EGFR: variants seen among roughly 807,000 people sequenced by gnomAD.
EGFR encodes avian erythroblastic leukemia viral (v-erb-b) oncogene homolog.
In EGFR, 58 loss-of-function variants were observed where a neutral mutation model predicts 143.0. The ratio of observed to expected loss-of-function variants is 0.41; its 90% confidence interval spans 0.33 to 0.50. EGFR has a LOEUF of 0.50. Ranked by LOEUF, EGFR falls within the 20% of genes least tolerant of loss-of-function variation. The pLI is 0.39. For missense variants in EGFR, 1,307 were observed against 1,579.0 expected, an observed-to-expected ratio of 0.83 and a Z score of 2.92; for synonymous variants, 613 against 594.4, an observed-to-expected ratio of 1.03 and a Z score of -0.45.
intron 1 of EGFR, among the ~76,000 whole-genome samples, chr7:55,081,334 G>A (rs1246452800): frequency 6.6e-6 from 1 of 152,182 alleles, no homozygotes; most frequent in Non-Finnish European, 1.5e-5. Flanking sequence ...CGGTTGGAGG[G>A]GGCTGTGCTG....
chr7:55,029,971 T>C (rs1787156982), intron 1 of EGFR, among the ~76,000 whole-genome samples: 1 of 152,250 alleles, frequency 6.6e-6, no homozygotes, highest in South Asian at 2.1e-4. Flanking sequence ...CTCGCATTTG[T>C]ACAGCACCTC....
intron 1 of EGFR, among the ~76,000 whole-genome samples, chr7:55,100,918 A>G (rs1562714343): frequency 2.0e-5 from 3 of 152,170 alleles, no homozygotes; most frequent in South Asian, 4.1e-4. Context: ...TTTTCTTTAA[A>G]CTGTCATAAA....
At chr7:55,034,562 G>A (rs1787448757) in intron 1 of EGFR, among the ~76,000 whole-genome samples, 1 of 152,286 alleles carries the variant, frequency 6.6e-6, no homozygotes, top group South Asian at 2.1e-4. Flanking sequence ...TGTCTTCTGA[G>A]GTCCATCCTC....
Position 55,165,394 on chromosome 7 carries a change from G to A in EGFR, c.1837G>A (p.Ala613Thr), listed in dbSNP as rs764290273. The change falls in exon 15 of 28, where the codon GCC becomes ACC. Residue 613 changes from alanine to threonine, a missense_variant. Physicochemically the swap from Ala to Thr is moderately conservative, Grantham distance 58. This residue lies in a region of EGFR where 250 missense variants were observed against 295.1 expected (regional missense o/e 0.85). Transcript: ENST00000275493. ...NNTLVWKYADAGHVCHLCHPN... is the reference protein window; with the variant it reads ...NNTLVWKYADTGHVCHLCHPN... Reference sequence around the variant, plus strand: ...CACCCTGGTCTGGAAGTACGCAGACGCCGGCCATGTGTGCCACCTGTGCCA... The same window carrying A: ...CACCCTGGTCTGGAAGTACGCAGACACCGGCCATGTGTGCCACCTGTGCCA... The A allele has an allele frequency of 5.6e-6, 9 of 1,614,022 alleles. No homozygotes were observed. Among genetic ancestry groups the A allele is most frequent in the African/African-American group, 2.7e-5 (2 of 74,920 alleles).
intron 1 of EGFR, among the ~76,000 whole-genome samples, chr7:55,026,160 T>C (rs1397657542): frequency 6.6e-6 from 1 of 152,194 alleles, no homozygotes; most frequent in East Asian, 1.9e-4. Context: ...TTGGCAATTC[T>C]GAGGAGTGGA....
At chr7:55,199,238 G>T (rs1039951511) in intron 23 of EGFR, among the ~76,000 whole-genome samples, 1 of 152,198 alleles carries the variant, frequency 6.6e-6, no homozygotes, top group African/African-American at 2.4e-5. Flanking sequence ...AACAACATAA[G>T]GCTAATAGAG....
At chr7:55,124,036 G>A (rs1793373658) in intron 1 of EGFR, among the ~76,000 whole-genome samples, 1 of 152,214 alleles carries the variant, frequency 6.6e-6, no homozygotes, top group Non-Finnish European at 1.5e-5. Flanking sequence ...GTGTATGTGT[G>A]TGTATTAATG....
chr7:55,161,756 G>A lies in EGFR; in HGVS notation c.1631+125G>A, dbSNP rs1562772359. 4.6e-6 allele frequency: 7 copies of A among 1,526,764 alleles called. No individual in the cohort carries two copies. The East Asian group carries it at 1.6e-4, about 35-fold the overall frequency. 94.6% of individuals were successfully genotyped at this position (1,526,764 alleles called of 1,614,324 possible). A position where few individuals can be genotyped will look rare whatever the true frequency, so the allele number is the denominator to read the frequency against. ...TTATTCTTTGCCCTTGGCTTTTGGA[G>A]GTTTTGGGTTTTCTGTGGGGAGACG... On this transcript the variant is annotated intron_variant, in intron 13 of 27. Coordinates refer to ENST00000275493, the MANE Select transcript of EGFR (RefSeq NM_005228.5).
chr7:55,176,573 G>C (rs987618162), intron 19 of EGFR, among the ~76,000 whole-genome samples: 2 of 151,932 alleles, frequency 1.3e-5, no homozygotes, highest in Non-Finnish European at 2.9e-5. Context: ...TAAAAAATTA[G>C]CTGGGTGTGG....
intron 1 of EGFR, among the ~76,000 whole-genome samples, chr7:55,026,142 A>G (rs1786870108): frequency 6.6e-6 from 1 of 152,076 alleles, no homozygotes; most frequent in Admixed American, 6.5e-5. Flanking sequence ...ACATTTCTTA[A>G]AGCTCCCTTG....
At chr7:55,036,587 G>A (rs1787600143) in intron 1 of EGFR, among the ~76,000 whole-genome samples, 1 of 152,112 alleles carries the variant, frequency 6.6e-6, no homozygotes, top group South Asian at 2.1e-4. Flanking sequence ...CTACAGAGGA[G>A]GCTAAGATTT....
rs5884404 is a variant in EGFR at position 55,205,898 on chromosome 7, G to GAA, written c.*293_*294dup. 0.013 allele frequency: 4,978 copies of GAA among 374,790 alleles called. 2 individuals are homozygous for GAA. Among genetic ancestry groups the GAA allele is most frequent in the East Asian group, 0.045 (887 of 19,852 alleles). The allele number at this position is 374,790 out of a possible 1,614,324, so 23.2% of individuals were successfully genotyped here. A position where few individuals can be genotyped will look rare whatever the true frequency, so the allele number is the denominator to read the frequency against. On this transcript the variant is annotated 3_prime_UTR_variant, in exon 28 of 28. Coordinates refer to ENST00000275493, the MANE Select transcript of EGFR (RefSeq NM_005228.5). The stretch of plus-strand genomic sequence containing the variant: ...ATTTATCTTTCAAAGAGGTATATTT[G>GAA]AAAAAAAAAAAAAGTATATGTGAGG...
chr7:55,053,592 T>A (rs778602742), intron 1 of EGFR, among the ~76,000 whole-genome samples: 1 of 152,246 alleles, frequency 6.6e-6, no homozygotes, highest in Non-Finnish European at 1.5e-5. Context: ...TCATGAGAGC[T>A]GAGTTTGCTG....
At chr7:55,185,271 C>T (rs1787081987) in intron 20 of EGFR, among the ~76,000 whole-genome samples, 1 of 152,204 alleles carries the variant, frequency 6.6e-6, no homozygotes, top group Non-Finnish European at 1.5e-5. Flanking sequence ...GCAAAACCAT[C>T]TCAGGAGCTT....
At chr7:55,046,374 G>A (rs1315115242) in intron 1 of EGFR, among the ~76,000 whole-genome samples, 1 of 152,116 alleles carries the variant, frequency 6.6e-6, no homozygotes, top group Non-Finnish European at 1.5e-5. Flanking sequence ...GGGATATTAT[G>A]TACACATAAA....
At chr7:55,156,385 T>C in intron 8 of EGFR, 148 bp from the exon 9 acceptor site, 2 of 1,181,328 alleles carry the variant, frequency 1.7e-6, no homozygotes, top group South Asian at 2.5e-5. Context: ...CCCCAGCCCC[T>C]TCAGTGTTTG....
chr7:55,119,688 C>T (rs1472689559), intron 1 of EGFR, among the ~76,000 whole-genome samples: 1 of 152,240 alleles, frequency 6.6e-6, no homozygotes, highest in Non-Finnish European at 1.5e-5. Flanking sequence ...CTGCATTTGA[C>T]AATACGGTCC....
chr7:55,150,940 C>A (rs975542205), intron 4 of EGFR, among the ~76,000 whole-genome samples: 1 of 152,200 alleles, frequency 6.6e-6, no homozygotes, highest in African/African-American at 2.4e-5. Context: ...AAAGGCTCAG[C>A]CAGACGAGAC....
chr7:55,059,997 G>A (rs1482134460), intron 1 of EGFR, among the ~76,000 whole-genome samples: 1 of 152,220 alleles, frequency 6.6e-6, no homozygotes, highest in Non-Finnish European at 1.5e-5. Flanking sequence ...TCCTCTCAGT[G>A]TGGACTGGGC....
Sources: allele counts gnomAD v4.1 joint callset (sites outside exome capture counted in the v4.1 genomes callset), GRCh38; gene constraint gnomAD v4.1.1; regional missense constraint gnomAD v4.1.1; transcripts MANE v1.5; gene names NCBI Gene and HGNC (gene_info 2026-07-23, HGNC 2026-07-21).